RBFOX1: variants seen among roughly 807,000 people sequenced by gnomAD.
The protein encoded by RBFOX1 is RNA binding fox-1 homolog 1.
RBFOX1 carries 8 observed loss-of-function variants against 57.7 expected under a neutral mutation model. The observed-to-expected ratio is 0.14, with a 90% confidence interval of 0.08 to 0.25. RBFOX1 has a LOEUF of 0.25. Among genes scored for constraint, RBFOX1 ranks in the 10% least tolerant of loss-of-function variants. The pLI, the probability that RBFOX1 is intolerant of heterozygous loss-of-function variation, is 1.00. For synonymous variants in RBFOX1, 326 were observed against 222.4 expected (o/e 1.47, Z -4.15); for missense variants, 611 against 548.5 (o/e 1.11, Z -1.14).
intron 1 of RBFOX1, among the ~76,000 whole-genome samples, chr16:5,454,464 C>G (rs761346948): frequency 3.3e-5 from 5 of 152,196 alleles, no homozygotes; most frequent in Admixed American, 1.3e-4. Flanking sequence ...GTGTTTTTAT[C>G]TAAGGCATTA....
chr16:7,045,220 T>C (rs895330920), intron 3 of RBFOX1, among the ~76,000 whole-genome samples: 3 of 152,024 alleles, frequency 2.0e-5, no homozygotes, highest in Non-Finnish European at 4.4e-5. Flanking sequence ...AGGTGGAGTA[T>C]GGTGGTGGTG....
At chr16:7,522,189 A>G (rs1009074040) in intron 5 of RBFOX1, among the ~76,000 whole-genome samples, 1 of 152,236 alleles carries the variant, frequency 6.6e-6, no homozygotes, top group African/African-American at 2.4e-5. Context: ...GAAACGAAGT[A>G]GACAGAATCT....
rs1011614567 is a variant in RBFOX1, at chr16:6,717,815, G to A, written c.-16+63165G>A. On this transcript the variant is annotated intron_variant, in intron 3 of 15. Coordinates refer to ENST00000550418, the MANE Select transcript of RBFOX1 (RefSeq NM_018723.4). ...CCAGCAGAAAATATTGGGTACTTCAGGCATTCTTGTTATTTACCCAGATGG... is the reference window on the plus strand; with the variant it reads ...CCAGCAGAAAATATTGGGTACTTCAAGCATTCTTGTTATTTACCCAGATGG... Among the ~76,000 whole-genome samples, 5 of 152,138 alleles carry A rather than the reference G, an allele frequency of 3.3e-5. No individual in the cohort carries two copies. In the East Asian group the frequency reaches 7.7e-4, roughly 23 times the overall value.
rs368667111 is a variant in RBFOX1, at chr16:6,141,335, C to G, written c.-127+121343C>G. The stretch of plus-strand genomic sequence containing the variant: ...AGGGCGATACGGAAGAGCTGAGAGG[C>G]TATTCCTTTCTTTCAGATCTCTGGG... On this transcript the variant is annotated intron_variant, in intron 1 of 15. Transcript: ENST00000550418. 1.5e-4 allele frequency among the ~76,000 whole-genome samples: 23 copies of G among 152,238 alleles called. No homozygotes were observed. In the East Asian group the frequency reaches 3.7e-3, roughly 24 times the overall value.
At chr16:7,356,607 C>G (rs1371598657) in intron 4 of RBFOX1, among the ~76,000 whole-genome samples, 1 of 152,208 alleles carries the variant, frequency 6.6e-6, no homozygotes. Context: ...AGTAAGAAGC[C>G]ACTGGAAAGT....
chr16:5,959,999 A>G (rs1041013569), intron 4 of RBFOX1, among the ~76,000 whole-genome samples: 4 of 152,110 alleles, frequency 2.6e-5, no homozygotes, highest in Non-Finnish European at 5.9e-5. Flanking sequence ...TCCGGAGTTC[A>G]AGACCAGCCT....
At chr16:7,078,546 C>T (rs1214023428) in intron 4 of RBFOX1, among the ~76,000 whole-genome samples, 4 of 151,956 alleles carry the variant, frequency 2.6e-5, no homozygotes, top group Admixed American at 6.6e-5. Flanking sequence ...CAGGGTTTTG[C>T]CGTGTTGGCC....
intron 3 of RBFOX1, among the ~76,000 whole-genome samples, chr16:6,963,755 T>C (rs1233386790): frequency 6.6e-6 from 1 of 150,566 alleles, no homozygotes; most frequent in Non-Finnish European, 1.5e-5. Flanking sequence ...CTGGAGTGCA[T>C]TGGCGCGATC....
At chr16:5,319,456 C>G (rs2064339734) in intron 1 of RBFOX1, among the ~76,000 whole-genome samples, 1 of 152,282 alleles carries the variant, frequency 6.6e-6, no homozygotes, top group East Asian at 1.9e-4. Context: ...ATAGCCACTC[C>G]AGGGCTGTTT....
chr16:5,507,564 C>G (rs978919021), intron 2 of RBFOX1, among the ~76,000 whole-genome samples: 2 of 152,152 alleles, frequency 1.3e-5, no homozygotes, highest in African/African-American at 4.8e-5. Context: ...GTGTCCCCCA[C>G]CACAAGATAT....
intron 1 of RBFOX1, among the ~76,000 whole-genome samples, chr16:6,256,193 ATATG>A (rs1379193791): frequency 0.19 from 5,039 of 27,164 alleles, 695 homozygotes; most frequent in African/African-American, 0.26. Flanking sequence ...ATACGTATAT[ATATG>A]TATATGTATA....
chr16:6,195,534 A>G (rs889523523), intron 1 of RBFOX1, among the ~76,000 whole-genome samples: 3 of 152,124 alleles, frequency 2.0e-5, no homozygotes, highest in Admixed American at 1.3e-4. Flanking sequence ...CCTGACCAAC[A>G]TGGAGAAACC....
At chr16:5,336,116 T>A (rs993146120) in intron 1 of RBFOX1, among the ~76,000 whole-genome samples, 17 of 152,126 alleles carry the variant, frequency 1.1e-4, no homozygotes, top group Non-Finnish European at 2.5e-4. Context: ...ATCATTGTGC[T>A]TTTTTGGCTC....
chr16:7,485,450 T>C (rs1656541336), intron 4 of RBFOX1, among the ~76,000 whole-genome samples: 1 of 152,224 alleles, frequency 6.6e-6, no homozygotes, highest in African/African-American at 2.4e-5. Flanking sequence ...TTTCCTTGAA[T>C]CCAGCTGAAT....
chr16:6,250,159 G>A (rs927020629), intron 1 of RBFOX1, among the ~76,000 whole-genome samples: 13 of 152,174 alleles, frequency 8.5e-5, no homozygotes, highest in Non-Finnish European at 1.5e-5. Context: ...TTCATCTGCT[G>A]TTGCTTAGTT....
chr16:7,453,093 C>A (rs1328657346), intron 4 of RBFOX1, among the ~76,000 whole-genome samples: 1 of 145,576 alleles, frequency 6.9e-6, no homozygotes, highest in African/African-American at 2.6e-5. Flanking sequence ...CGCACCACTG[C>A]ACTCCAGGCT....
intron 3 of RBFOX1, among the ~76,000 whole-genome samples, chr16:5,720,749 A>G (rs2051900837): frequency 6.6e-6 from 1 of 152,176 alleles, no homozygotes; most frequent in African/African-American, 2.4e-5. Flanking sequence ...AAATAAAAGG[A>G]TTTATTTATG....
chr16:5,670,292 T>C (rs527914530), intron 3 of RBFOX1, among the ~76,000 whole-genome samples: 262 of 152,302 alleles, frequency 1.7e-3, no homozygotes, highest in African/African-American at 5.1e-3. Context: ...GTATTAAATG[T>C]TTCTCATAAT....
intron 1 of RBFOX1, among the ~76,000 whole-genome samples, chr16:5,408,556 A>G (rs926672213): frequency 6.6e-6 from 1 of 152,168 alleles, no homozygotes; most frequent in Non-Finnish European, 1.5e-5. Flanking sequence ...TCTGGATGGC[A>G]GCGACAGTGC....
Sources: allele counts gnomAD v4.1 joint callset (sites outside exome capture counted in the v4.1 genomes callset), GRCh38; gene constraint gnomAD v4.1.1; transcripts MANE v1.5; gene names NCBI Gene and HGNC (gene_info 2026-07-23, HGNC 2026-07-21).